Variants in NUDCD3 observed in about 807,000 individuals in gnomAD.
The protein encoded by NUDCD3 is NudC domain containing 3.
Under a neutral mutation model 39.7 loss-of-function variants are expected in NUDCD3, and 13 were observed. The observed-to-expected ratio is 0.33, with a 90% CI of 0.21 to 0.52. NUDCD3 has a LOEUF of 0.52. Among genes scored for constraint, NUDCD3 ranks in the 20% least tolerant of loss-of-function variants. NUDCD3 has a pLI of 0.96. For missense variants in NUDCD3, 453 were observed against 458.1 expected, an observed-to-expected ratio of 0.99 and a Z score of 0.10; for synonymous variants, 175 against 172.4, an observed-to-expected ratio of 1.02 and a Z score of -0.12.
intron 2 of NUDCD3, chr7:44,468,029 G>A (rs752191688): frequency 6.8e-6 from 11 of 1,612,892 alleles, no homozygotes; most frequent in South Asian, 1.1e-5. Context: ...TGACAACAGG[G>A]TTCGTAGAAG....
chr7:44,440,892 T>C (rs990762424), intron 2 of NUDCD3, among the ~76,000 whole-genome samples: 4 of 152,226 alleles, frequency 2.6e-5, no homozygotes, highest in Non-Finnish European at 5.9e-5. Flanking sequence ...TAGTAATACC[T>C]GAGTTAACAG....
rs191551205 is a variant in NUDCD3, at chr7:44,402,794, C to T, written c.786+1646G>A. 22 of 433,054 alleles carry T rather than the reference C, an allele frequency of 5.1e-5. No individual in the cohort carries two copies. The East Asian group carries it at 8.6e-4, about 17-fold the overall frequency. 26.8% of individuals were successfully genotyped at this position (433,054 alleles called of 1,614,324 possible). On this transcript the variant is annotated intron_variant, in intron 4 of 5. Coordinates refer to ENST00000355451, the MANE Select transcript of NUDCD3 (RefSeq NM_015332.4). ...TCTCAGTCCATGGAGATGGCAACCC[C>T]AGGATCACGGGCTCACTAGTGTAAT...
At chr7:44,407,024 G>T (rs1193880936) in intron 3 of NUDCD3, among the ~76,000 whole-genome samples, 3 of 152,118 alleles carry the variant, frequency 2.0e-5, no homozygotes, top group African/African-American at 7.2e-5. Context: ...CAGAAGAATG[G>T]AGGACCTTGC....
At chr7:44,401,573 G>A (rs768375692) in intron 4 of NUDCD3, among the ~76,000 whole-genome samples, 14 of 152,156 alleles carry the variant, frequency 9.2e-5, no homozygotes, top group Non-Finnish European at 1.8e-4. Context: ...CATTAGGAAC[G>A]CAATGCCATC....
chr7:44,469,180 G>T (rs1800200824), intron 2 of NUDCD3, among the ~76,000 whole-genome samples: 1 of 122,536 alleles, frequency 8.2e-6, no homozygotes, highest in African/African-American at 3.2e-5. Context: ...AGGTAAGGAA[G>T]ACCCCTTACC....
chr7:44,489,565 T>C (rs1400497002), intron 1 of NUDCD3, among the ~76,000 whole-genome samples: 6 of 152,238 alleles, frequency 3.9e-5, no homozygotes, highest in African/African-American at 1.4e-4. Context: ...GGCTTAATAC[T>C]TGGCTGAATA....
Position 44,391,069 on chromosome 7 carries a change from A to G in NUDCD3, c.975+1228T>C, listed in dbSNP as rs1585048864. 5.9e-5 allele frequency among the ~76,000 whole-genome samples: 9 copies of G among 152,352 alleles called. No individual in the cohort carries two copies. The South Asian group carries it at 1.7e-3, about 28-fold the overall frequency. ...TGAGGACAGACAGGTGTGAAATCAA[A>G]TCAGAGGTCAAACCCCATCCCTGCT... On this transcript the variant is annotated intron_variant, in intron 5 of 5. Transcript: ENST00000355451.
intron 5 of NUDCD3, among the ~76,000 whole-genome samples, chr7:44,389,369 G>A (rs576038546): frequency 3.6e-4 from 55 of 152,172 alleles, no homozygotes; most frequent in Non-Finnish European, 6.8e-4. Context: ...CAGTGGGCTT[G>A]GCAACAAGCC....
In NUDCD3 at chr7:44,380,717, C is replaced by G. The variant is rs1798291784; in HGVS notation, c.*5294G>C. ...TCCCACTAGGGACCACCACTGGGGT[C>G]ACAAGATGGCCTTGATCCCCAGTTA... On this transcript the variant is annotated 3_prime_UTR_variant, in exon 6 of 6. Coordinates refer to ENST00000355451, the MANE Select transcript of NUDCD3 (RefSeq NM_015332.4). 1.3e-5 allele frequency: 2 copies of G among 152,398 alleles called. No individual in the cohort carries two copies. Among genetic ancestry groups the G allele is most frequent in the Middle Eastern group, 6.8e-3 (2 of 294 alleles). 9.4% of individuals were successfully genotyped at this position (152,398 alleles called of 1,614,324 possible).
chr7:44,460,604 A>G (rs987769083), intron 2 of NUDCD3, among the ~76,000 whole-genome samples: 1 of 152,156 alleles, frequency 6.6e-6, no homozygotes, highest in Non-Finnish European at 1.5e-5. Context: ...ACCACTGACT[A>G]CATCTGGGGT....
rs55642004 is a variant in NUDCD3, at chr7:44,428,123, TAAAAAAA to T, written c.510-427_510-421del. 5.3e-3 allele frequency among the ~76,000 whole-genome samples: 401 copies of T among 76,102 alleles called. 5 individuals are homozygous for T. Among genetic ancestry groups the T allele is most frequent in the African/African-American group, 0.019 (363 of 19,264 alleles). 49.9% of individuals were successfully genotyped at this position (76,102 alleles called of 152,430 possible). On this transcript the variant is annotated intron_variant, in intron 2 of 5. Transcript: ENST00000355451. ...TAAACTGCTTGGCAGGGTCAATCTT[TAAAAAAA>T]AAAAAAAAAAAAAAAAAAAAGAGGC...
At chr7:44,471,514 T>C (rs1417580193) in intron 2 of NUDCD3, among the ~76,000 whole-genome samples, 1 of 152,188 alleles carries the variant, frequency 6.6e-6, no homozygotes, top group African/African-American at 2.4e-5. Flanking sequence ...ACTTCTCTGC[T>C]GACAGAATGA....
intron 2 of NUDCD3, among the ~76,000 whole-genome samples, chr7:44,445,167 C>CT (rs976415774): frequency 6.6e-4 from 101 of 152,342 alleles, no homozygotes; most frequent in African/African-American, 2.3e-3. Flanking sequence ...AGTGCTATCT[C>CT]TATATCTTCC....
At chr7:44,387,777 T>C (rs1231902683) in intron 5 of NUDCD3, among the ~76,000 whole-genome samples, 1 of 152,178 alleles carries the variant, frequency 6.6e-6, no homozygotes, top group Admixed American at 6.5e-5. Context: ...AGATCAGCAC[T>C]CAGACCTTTC....
chr7:44,422,857 G>A (rs1317276232), intron 3 of NUDCD3, among the ~76,000 whole-genome samples: 2 of 152,114 alleles, frequency 1.3e-5, no homozygotes, highest in Non-Finnish European at 2.9e-5. Flanking sequence ...AAAATTTCAG[G>A]CCAATATCCC....
intron 3 of NUDCD3, among the ~76,000 whole-genome samples, chr7:44,413,614 A>G (rs1202920814): frequency 6.6e-6 from 1 of 152,266 alleles, no homozygotes; most frequent in Non-Finnish European, 1.5e-5. Flanking sequence ...ACTATTTTTC[A>G]TCTATTCAAC....
chr7:44,486,508 T>C (rs530418992), intron 1 of NUDCD3, among the ~76,000 whole-genome samples: 1 of 151,668 alleles, frequency 6.6e-6, no homozygotes, highest in South Asian at 2.1e-4. Context: ...GAGATGATGA[T>C]GTAGGCAGAG....
intron 2 of NUDCD3, among the ~76,000 whole-genome samples, chr7:44,430,570 TCACACACACACACACACA>T (rs58853542): frequency 7.9e-6 from 1 of 125,838 alleles, no homozygotes; most frequent in Non-Finnish European, 1.7e-5. Flanking sequence ...ACACACACAC[TCACACACACACACACACA>T]CACACACACA....
At chr7:44,387,733 C>A (rs1798424692) in intron 5 of NUDCD3, among the ~76,000 whole-genome samples, 3 of 152,232 alleles carry the variant, frequency 2.0e-5, no homozygotes, top group Admixed American at 1.3e-4. Flanking sequence ...GATTAGTAGA[C>A]TTGATCTTAC....
Sources: allele counts gnomAD v4.1 joint callset (sites outside exome capture counted in the v4.1 genomes callset), GRCh38; gene constraint gnomAD v4.1.1; transcripts MANE v1.5; gene names NCBI Gene and HGNC (gene_info 2026-07-23, HGNC 2026-07-21).